Variants in MACROD2 observed in about 807,000 individuals in gnomAD.
The protein encoded by MACROD2 is mono-ADP ribosylhydrolase 2, also known as ADP-ribose glycohydrolase MACROD2.
Under a neutral mutation model 70.4 loss-of-function variants are expected in MACROD2, and 36 were observed. The observed-to-expected ratio is 0.51, with a 90% confidence interval of 0.39 to 0.68. MACROD2 has a LOEUF of 0.68. MACROD2 is among the 30% of genes least tolerant of loss of function. The probability of loss-of-function intolerance (pLI) is 0.00; values close to 1 mark genes in which losing one functional copy is unlikely to be tolerated. For synonymous variants in MACROD2, 172 were observed against 178.8 expected, an observed-to-expected ratio of 0.96 and a Z score of 0.30; for missense variants, 496 against 538.4, an observed-to-expected ratio of 0.92 and a Z score of 0.78.
chr20:14,501,036 G>T (rs1453953671), intron 4 of MACROD2, among the ~76,000 whole-genome samples: 1 of 143,236 alleles, frequency 7.0e-6, no homozygotes, highest in Non-Finnish European at 1.5e-5. Flanking sequence ...ATTTCTAAAT[G>T]AAAAAAAAAA....
At chr20:14,786,071 C>T (rs1005677255) in intron 5 of MACROD2, among the ~76,000 whole-genome samples, 8 of 152,022 alleles carry the variant, frequency 5.3e-5, no homozygotes, top group African/African-American at 1.9e-4. Context: ...CAGACATACA[C>T]AATATTGCTT....
At chr20:15,774,920 T>G (rs546654755) in intron 8 of MACROD2, among the ~76,000 whole-genome samples, 2 of 152,264 alleles carry the variant, frequency 1.3e-5, no homozygotes, top group African/African-American at 2.4e-5. Flanking sequence ...TGGTTTGTGC[T>G]CCTAGCTCCT....
intron 8 of MACROD2, among the ~76,000 whole-genome samples, chr20:15,800,192 G>C (rs1460584333): frequency 6.6e-6 from 1 of 152,076 alleles, no homozygotes; most frequent in African/African-American, 2.4e-5. Flanking sequence ...GGTATTAGCA[G>C]CTTGTTGATA....
At chr20:14,012,549 T>C (rs1447534134) in intron 2 of MACROD2, among the ~76,000 whole-genome samples, 2 of 152,198 alleles carry the variant, frequency 1.3e-5, no homozygotes, top group Non-Finnish European at 2.9e-5. Context: ...GTATCTTAAA[T>C]GGTGAGGGAT....
chr20:15,999,931 ACT>A (rs1324467702), intron 15 of MACROD2, among the ~76,000 whole-genome samples: 1 of 152,108 alleles, frequency 6.6e-6, no homozygotes, highest in East Asian at 1.9e-4. Context: ...GAGTGTGGAG[ACT>A]CACTGCCAAC....
chr20:15,872,169 C>T, intron 9 of MACROD2, among the ~76,000 whole-genome samples: 1 of 152,156 alleles, frequency 6.6e-6, no homozygotes, highest in South Asian at 2.1e-4. Flanking sequence ...GGCTAGAGCT[C>T]CTGAAAAGCT....
intron 4 of MACROD2, among the ~76,000 whole-genome samples, chr20:14,684,440 G>A (rs767766766): frequency 6.6e-6 from 1 of 152,000 alleles, no homozygotes; most frequent in Admixed American, 6.6e-5. Flanking sequence ...GTACCAGCTC[G>A]GGAAAGAGAG....
intron 6 of MACROD2, among the ~76,000 whole-genome samples, chr20:15,302,387 C>CACACACACACACACACACGACAT (rs6147301): frequency 3.3e-5 from 5 of 150,452 alleles, no homozygotes; most frequent in African/African-American, 7.3e-5. Context: ...CACACATACA[C>CACACACACACACACACACGACAT]ACATACAGAT....
At chr20:14,577,505 G>A (rs1980675498) in intron 4 of MACROD2, among the ~76,000 whole-genome samples, 1 of 152,158 alleles carries the variant, frequency 6.6e-6, no homozygotes, top group South Asian at 2.1e-4. Context: ...GGGACTGGAT[G>A]TGGTGGCTCA....
chr20:15,096,275 T>G (rs145641657), intron 5 of MACROD2, among the ~76,000 whole-genome samples: 2 of 152,100 alleles, frequency 1.3e-5, no homozygotes, highest in Non-Finnish European at 2.9e-5. Flanking sequence ...TGCAGGGTAC[T>G]CTAGGATTCT....
intron 4 of MACROD2, among the ~76,000 whole-genome samples, chr20:14,522,226 T>C (rs1206359967): frequency 1.3e-5 from 2 of 152,116 alleles, no homozygotes; most frequent in African/African-American, 4.8e-5. Context: ...AAGATGGCCA[T>C]ACATAACACA....
intron 4 of MACROD2, chr20:14,631,914 G>T (rs1169706715): frequency 6.6e-6 from 1 of 152,308 alleles, no homozygotes; most frequent in African/African-American, 2.4e-5. Context: ...ACTGCAATGA[G>T]CATGCCAGTT....
intron 8 of MACROD2, among the ~76,000 whole-genome samples, chr20:15,682,606 C>A (rs985411711): frequency 1.3e-5 from 2 of 152,160 alleles, no homozygotes; most frequent in African/African-American, 4.8e-5. Context: ...GTGAGAGGAC[C>A]ATGTTTCATT....
chr20:15,281,232 G>A (rs2077441428), intron 6 of MACROD2, among the ~76,000 whole-genome samples: 1 of 150,806 alleles, frequency 6.6e-6, no homozygotes, highest in South Asian at 2.1e-4. Flanking sequence ...TGGGGACAAA[G>A]AGCCAAACCA....
intron 4 of MACROD2, among the ~76,000 whole-genome samples, chr20:14,671,267 T>A (rs2070791592): frequency 6.6e-6 from 1 of 152,182 alleles, no homozygotes; most frequent in Non-Finnish European, 1.5e-5. Context: ...AAATATTTTG[T>A]TTACTATGAA....
rs56307399 is a variant in MACROD2 at position 15,470,166 on chromosome 20, C to T, written c.572-29608C>T. Reference sequence around the variant, plus strand: ...CCGGGTTCAAGCAATTCTCCTGCCTCAGTCTCCCAAGTAGCTGAGATTACA... The same window carrying T: ...CCGGGTTCAAGCAATTCTCCTGCCTTAGTCTCCCAAGTAGCTGAGATTACA... On this transcript the variant is annotated intron_variant, in intron 7 of 17. Coordinates refer to ENST00000684519, the MANE Select transcript of MACROD2 (RefSeq NM_001351661.2). Among the ~76,000 whole-genome samples, 914 of 152,276 alleles carry T rather than the reference C, an allele frequency of 6.0e-3. 4 individuals carry two copies. Among genetic ancestry groups the T allele is most frequent in the Non-Finnish European group, 9.3e-3 (631 of 68,020 alleles).
chr20:16,027,328 G>A (rs1343595953), intron 15 of MACROD2, among the ~76,000 whole-genome samples: 10 of 152,288 alleles, frequency 6.6e-5, no homozygotes, highest in Admixed American at 5.9e-4. Context: ...ATGGACAAAG[G>A]TGATGCACTA....
intron 6 of MACROD2, among the ~76,000 whole-genome samples, chr20:15,407,602 C>G (rs1184991627): frequency 6.6e-6 from 1 of 152,110 alleles, no homozygotes; most frequent in Non-Finnish European, 1.5e-5. Flanking sequence ...AGGACATGCT[C>G]TAGAGGTGGA....
Position 14,665,832 on chromosome 20 carries a change from C to T in MACROD2, c.302-19011C>T, listed in dbSNP as rs144425936. 7.6e-3 allele frequency among the ~76,000 whole-genome samples: 1,159 copies of T among 152,136 alleles called. 17 individuals are homozygous for T. Among genetic ancestry groups the T allele is most frequent in the African/African-American group, 0.026 (1,093 of 41,510 alleles). On this transcript the variant is annotated intron_variant, in intron 4 of 17. Transcript: ENST00000684519. The stretch of plus-strand genomic sequence containing the variant: ...TTTATCTTCCCATTCAAAACATGTC[C>T]ATTTACATTCTCCCTGGATTGTGAA...
Sources: gnomAD v4.1 joint callset for allele counts (sites outside exome capture counted in the v4.1 genomes callset) on GRCh38, gnomAD v4.1.1 for gene constraint, MANE v1.5 for transcripts, NCBI Gene and HGNC (gene_info 2026-07-23, HGNC 2026-07-21) for gene names.